MAGI1: variants seen among roughly 807,000 people sequenced by gnomAD.
MAGI1 encodes membrane associated guanylate kinase, WW and PDZ domain containing 1.
Under a neutral mutation model 139.9 loss-of-function variants are expected in MAGI1, and 58 were observed. The observed-to-expected ratio is 0.41, with a 90% CI of 0.34 to 0.52. MAGI1 has a LOEUF of 0.52. Ranked by LOEUF, MAGI1 falls within the 20% of genes least tolerant of loss-of-function variation. MAGI1 has a pLI of 0.12. For missense variants in MAGI1, 1,874 were observed against 1,901.6 expected (o/e 0.99, Z 0.27); for synonymous variants, 812 against 737.9 (o/e 1.10, Z -1.63).
Position 65,598,052 on chromosome 3 carries a change from G to C in MAGI1, c.430+23920C>G, listed in dbSNP as rs1409963082. 3.3e-5 allele frequency among the ~76,000 whole-genome samples: 5 copies of C among 152,346 alleles called. No individual in the cohort carries two copies. In the East Asian group the frequency reaches 9.7e-4, roughly 29 times the overall value. On this transcript the variant is annotated intron_variant, in intron 2 of 22. Transcript: ENST00000402939. The stretch of plus-strand genomic sequence containing the variant: ...GCAGCTGATGGTGCGAGAAGGGAGA[G>C]AAGATGCCCAGGCTTGCGCCTTTTA...
chr3:65,429,182 C>G (rs902485755), intron 12 of MAGI1, among the ~76,000 whole-genome samples: 4 of 152,064 alleles, frequency 2.6e-5, no homozygotes, highest in African/African-American at 9.7e-5. Context: ...AGTCTGGACT[C>G]AAATGCCTGG....
intron 2 of MAGI1, among the ~76,000 whole-genome samples, chr3:65,546,856 C>A (rs1054985089): frequency 1.3e-5 from 2 of 152,098 alleles, no homozygotes; most frequent in South Asian, 2.1e-4. Context: ...AAAAACAGAG[C>A]CCTTACTGAA....
intron 2 of MAGI1, among the ~76,000 whole-genome samples, chr3:65,548,963 C>T (rs1335732178): frequency 6.6e-6 from 1 of 152,198 alleles, no homozygotes; most frequent in African/African-American, 2.4e-5. Context: ...GGCTCTCAAC[C>T]CACTGGAGCC....
At chr3:65,436,353 A>G (rs968614270) in intron 10 of MAGI1, among the ~76,000 whole-genome samples, 2 of 152,192 alleles carry the variant, frequency 1.3e-5, no homozygotes, top group Admixed American at 1.3e-4. Context: ...CTTGTTTAAA[A>G]GAAAAAGAAA....
intron 1 of MAGI1, among the ~76,000 whole-genome samples, chr3:65,921,882 G>T (rs1479166535): frequency 6.7e-6 from 1 of 150,186 alleles, no homozygotes; most frequent in Admixed American, 6.7e-5. Flanking sequence ...CTCCAACCTG[G>T]GCAACAGAGT....
intron 18 of MAGI1, among the ~76,000 whole-genome samples, chr3:65,365,822 C>G: frequency 6.6e-6 from 1 of 152,150 alleles, no homozygotes; most frequent in South Asian, 2.1e-4. Flanking sequence ...CATGTATCTT[C>G]CCATCACATT....
chr3:65,551,485 A>G (rs2079829547), intron 2 of MAGI1, among the ~76,000 whole-genome samples: 1 of 152,118 alleles, frequency 6.6e-6, no homozygotes, highest in South Asian at 2.1e-4. Flanking sequence ...TGTTTTTAGT[A>G]GAGACAGGGT....
intron 1 of MAGI1, among the ~76,000 whole-genome samples, chr3:65,963,364 T>A (rs1185028605): frequency 7.0e-6 from 1 of 142,122 alleles, no homozygotes; most frequent in East Asian, 2.2e-4. Context: ...ACGCCTGTAA[T>A]CCCACCACTT....
intron 5 of MAGI1, among the ~76,000 whole-genome samples, chr3:65,456,967 A>C (rs930042336): frequency 1.3e-5 from 2 of 152,132 alleles, no homozygotes; most frequent in Non-Finnish European, 2.9e-5. Context: ...AGTACATTTG[A>C]TATCAAGCAG....
intron 2 of MAGI1, among the ~76,000 whole-genome samples, chr3:65,523,844 A>G (rs1426557862): frequency 6.6e-6 from 1 of 152,180 alleles, no homozygotes; most frequent in Non-Finnish European, 1.5e-5. Context: ...ATCATTTAAA[A>G]TCACCAGCAC....
chr3:65,643,734 T>C (rs2085108556), intron 1 of MAGI1, among the ~76,000 whole-genome samples: 1 of 152,072 alleles, frequency 6.6e-6, no homozygotes, highest in African/African-American at 2.4e-5. Flanking sequence ...AAACTGGCAA[T>C]AAGGAAAACT....
intron 16 of MAGI1, chr3:65,380,973 T>G (rs1177639670): frequency 6.6e-6 from 1 of 152,194 alleles, no homozygotes; most frequent in African/African-American, 2.4e-5. Context: ...GACAGGTATC[T>G]GTTTCACTAA....
chr3:65,758,317 T>G (rs1244729690), intron 1 of MAGI1, among the ~76,000 whole-genome samples: 2 of 152,174 alleles, frequency 1.3e-5, no homozygotes, highest in Admixed American at 6.5e-5. Context: ...TTCGTCCTTT[T>G]CAAAGATGCT....
chr3:65,685,796 T>A (rs922763367), intron 1 of MAGI1, among the ~76,000 whole-genome samples: 2 of 152,200 alleles, frequency 1.3e-5, no homozygotes, highest in African/African-American at 4.8e-5. Flanking sequence ...CCTGGAAGAA[T>A]GCCAGTGGTC....
intron 1 of MAGI1, among the ~76,000 whole-genome samples, chr3:65,783,929 C>T (rs779181773): frequency 1.3e-5 from 2 of 151,796 alleles, no homozygotes; most frequent in African/African-American, 4.8e-5. Context: ...TCGAGACCAG[C>T]CTGACCAACA....
chr3:65,944,511 C>G (rs1203086145), intron 1 of MAGI1, among the ~76,000 whole-genome samples: 1 of 151,918 alleles, frequency 6.6e-6, no homozygotes, highest in Admixed American at 6.6e-5. Flanking sequence ...GAGCAAGACC[C>G]TATCTCAAGG....
At chr3:65,543,752 G>T (rs969907829) in intron 2 of MAGI1, among the ~76,000 whole-genome samples, 1 of 150,782 alleles carries the variant, frequency 6.6e-6, no homozygotes, top group Non-Finnish European at 1.5e-5. Context: ...GGCCTGTCAG[G>T]GATGGGGGGG....
chr3:65,917,992 G>A (rs994827648), intron 1 of MAGI1, among the ~76,000 whole-genome samples: 2 of 152,182 alleles, frequency 1.3e-5, no homozygotes, highest in African/African-American at 4.8e-5. Flanking sequence ...GGTGGGGGAC[G>A]TTGATAATGG....
intron 1 of MAGI1, among the ~76,000 whole-genome samples, chr3:66,011,335 C>A (rs950915937): frequency 6.6e-6 from 1 of 152,164 alleles, no homozygotes; most frequent in African/African-American, 2.4e-5. Context: ...GAAAGCTAGT[C>A]AAACATGAGC....
Sources: allele counts gnomAD v4.1 joint callset (sites outside exome capture counted in the v4.1 genomes callset), GRCh38; gene constraint gnomAD v4.1.1; transcripts MANE v1.5; gene names NCBI Gene and HGNC (gene_info 2026-07-23, HGNC 2026-07-21).